The following SYT12 variants were observed in gnomAD, a reference collection of about 807,000 sequenced individuals.
SYT12 encodes the protein synaptotagmin 12.
Under a neutral mutation model 39.5 loss-of-function variants are expected in SYT12, and 27 were observed. The observed-to-expected ratio is 0.68, with a 90% CI of 0.50 to 0.94. The LOEUF (loss-of-function observed/expected upper bound fraction) is 0.94. Ranked by LOEUF, SYT12 falls within the 40% of genes least tolerant of loss-of-function variation. The probability of loss-of-function intolerance (pLI) is 0.00; values close to 1 mark genes in which losing one functional copy is unlikely to be tolerated. For synonymous variants in SYT12, 233 were observed against 239.7 expected (o/e 0.97, Z 0.26); for missense variants, 536 against 572.6 (o/e 0.94, Z 0.65).
At chr11:67,008,041 C>T (rs1211172357) in intron 1 of SYT12, among the ~76,000 whole-genome samples, 3 of 151,424 alleles carry the variant, frequency 2.0e-5, no homozygotes, top group African/African-American at 4.9e-5. Flanking sequence ...GCAACCTCCG[C>T]CTCCCGGGTT....
chr11:67,022,369 G>C (rs1791193826), upstream of SYT12, among the ~76,000 whole-genome samples: 1 of 151,964 alleles, frequency 6.6e-6, no homozygotes, highest in African/African-American at 2.4e-5. Context: ...GGTCTCCCCA[G>C]GTGTCCACCC....
intron 1 of SYT12, among the ~76,000 whole-genome samples, chr11:67,023,686 G>A (rs1950142595): frequency 6.6e-6 from 1 of 152,178 alleles, no homozygotes; most frequent in Non-Finnish European, 1.5e-5. Context: ...CGCATCGCAC[G>A]CCCCGCATGT....
chr11:67,022,039 G>A (rs1591354685), upstream of SYT12: 2 of 148,550 alleles, frequency 1.3e-5, no homozygotes, highest in East Asian at 4.0e-4. Context: ...TCAGCCTCCC[G>A]AGTAGCTGGG....
At chr11:67,017,964 G>GA (rs1337048803) in intron 3 of SYT12, among the ~76,000 whole-genome samples, 1 of 137,038 alleles carries the variant, frequency 7.3e-6, no homozygotes, top group Non-Finnish European at 1.6e-5. Context: ...ACATATCAAA[G>GA]AAAAAAAATT....
upstream of SYT12, among the ~76,000 whole-genome samples, chr11:67,021,664 A>G (rs940912702): frequency 1.3e-5 from 2 of 151,766 alleles, no homozygotes; most frequent in African/African-American, 4.8e-5. Flanking sequence ...CTGACTCCCA[A>G]CTCCCTTCCA....
intron 3 of SYT12, among the ~76,000 whole-genome samples, chr11:67,037,866 A>C (rs1950412618): frequency 6.7e-6 from 1 of 148,254 alleles, no homozygotes; most frequent in Admixed American, 6.8e-5. Context: ...TGGGCGACAG[A>C]GCGAGGCTCC....
At chr11:67,036,515 C>T (rs989776620) in intron 3 of SYT12, among the ~76,000 whole-genome samples, 6 of 152,104 alleles carry the variant, frequency 3.9e-5, no homozygotes, top group Admixed American at 2.6e-4. Context: ...GAGAGTTTTC[C>T]GAATGTCATG....
chr11:67,022,472 G>A (rs1565329216), upstream of SYT12, among the ~76,000 whole-genome samples: 1 of 152,228 alleles, frequency 6.6e-6, no homozygotes, highest in African/African-American at 2.4e-5. Context: ...CTGCCAGACT[G>A]CGCGGGCAGG....
At chr11:67,013,641 C>T (rs1950030814) in intron 3 of SYT12, among the ~76,000 whole-genome samples, 1 of 152,208 alleles carries the variant, frequency 6.6e-6, no homozygotes, top group Non-Finnish European at 1.5e-5. Context: ...GGATCCTCCC[C>T]TGTCTGTGTG....
At chr11:67,043,572 C>A in intron 4 of SYT12, 66 bp from the exon 5 acceptor site, 1 of 1,484,866 alleles carries the variant, frequency 6.7e-7, no homozygotes, top group Non-Finnish European at 9.4e-7. Flanking sequence ...GACTCCCTGT[C>A]CAGTGCTGTC....
intron 2 of SYT12, among the ~76,000 whole-genome samples, chr11:67,033,768 G>T (rs1234078583): frequency 1.3e-5 from 2 of 152,316 alleles, no homozygotes; most frequent in Non-Finnish European, 2.9e-5. Flanking sequence ...TGTCTCCTTG[G>T]CTTCCTTTGG....
chr11:67,047,811 G>A (rs1390620828), intron 7 of SYT12, among the ~76,000 whole-genome samples: 8 of 111,616 alleles, frequency 7.2e-5, no homozygotes, highest in East Asian at 2.8e-4. Context: ...TTTTTGAGAC[G>A]GAGTCTCGCT....
chr11:67,027,904 G>A (rs1950203930), intron 1 of SYT12: 1 of 152,226 alleles, frequency 6.6e-6, no homozygotes, highest in African/African-American at 2.4e-5. Context: ...AGGTGCGTGT[G>A]TGTACATTAG....
At chr11:67,047,982 G>A (rs1383724769) in intron 7 of SYT12, among the ~76,000 whole-genome samples, 11 of 148,474 alleles carry the variant, frequency 7.4e-5, no homozygotes, top group Non-Finnish European at 1.0e-4. Flanking sequence ...TAGTAGAGAC[G>A]GGGTTTCACC....
At chr11:67,044,833 T>A in intron 6 of SYT12, 120 bp downstream of exon 6, 1 of 1,445,248 alleles carries the variant, frequency 6.9e-7, no homozygotes, top group Non-Finnish European at 9.4e-7. Flanking sequence ...AAGGTCCCCC[T>A]CAGCTTTGCT....
intron 7 of SYT12, among the ~76,000 whole-genome samples, chr11:67,046,370 G>A (rs1478780377): frequency 6.6e-6 from 1 of 152,246 alleles, no homozygotes; most frequent in African/African-American, 2.4e-5. Flanking sequence ...GGGGCTTGAA[G>A]ATAGGGCTTG....
At chr11:67,042,341 G>T (rs1950527825) in intron 4 of SYT12, among the ~76,000 whole-genome samples, 1 of 152,116 alleles carries the variant, frequency 6.6e-6, no homozygotes, top group South Asian at 2.1e-4. Flanking sequence ...CCTGTGGTTT[G>T]GGGACGCATT....
At chr11:67,038,743 C>G (rs1304160845) in intron 3 of SYT12, among the ~76,000 whole-genome samples, 5 of 152,072 alleles carry the variant, frequency 3.3e-5, no homozygotes, top group Non-Finnish European at 7.3e-5. Flanking sequence ...AATCTCAGCA[C>G]TTTGGGAGGC....
chr11:67,035,879 TTTCC>T (rs1950369388), intron 3 of SYT12, among the ~76,000 whole-genome samples: 1 of 115,648 alleles, frequency 8.6e-6, no homozygotes, highest in Non-Finnish European at 1.7e-5. Flanking sequence ...TCTTTCTTTC[TTTCC>T]CTCCCTCCCT....
Sources: allele counts gnomAD v4.1 joint callset (sites outside exome capture counted in the v4.1 genomes callset), GRCh38; gene constraint gnomAD v4.1.1; transcripts MANE v1.5; gene names NCBI Gene and HGNC (gene_info 2026-07-23, HGNC 2026-07-21).